Variants in NUBPL observed in about 807,000 individuals in gnomAD.
NUBPL encodes iron-sulfur cluster transfer protein NUBPL.
A neutral mutation model predicts 45.7 loss-of-function variants in NUBPL; 31 were observed. The ratio of observed to expected loss-of-function variants is 0.68; its 90% confidence interval spans 0.51 to 0.92. The LOEUF (loss-of-function observed/expected upper bound fraction) is 0.92. NUBPL is among the 40% of genes least tolerant of loss of function. NUBPL has a pLI of 0.00. For synonymous variants in NUBPL, 144 were observed against 140.9 expected, an observed-to-expected ratio of 1.02 and a Z score of -0.15; for missense variants, 401 against 398.7, an observed-to-expected ratio of 1.01 and a Z score of -0.05.
chr14:31,562,611 T>G (rs1449396334), intron 2 of NUBPL, among the ~76,000 whole-genome samples: 9 of 147,880 alleles, frequency 6.1e-5, no homozygotes, highest in African/African-American at 1.2e-4. Flanking sequence ...TTTGTTTTTT[T>G]TTTTTTTTTT....
At chr14:31,684,561 T>A (rs548045684) in intron 6 of NUBPL, among the ~76,000 whole-genome samples, 3 of 152,174 alleles carry the variant, frequency 2.0e-5, no homozygotes, top group Admixed American at 2.0e-4. Flanking sequence ...GTGGTTCATG[T>A]TGTTAAGGAG....
chr14:31,589,722 CA>C lies in NUBPL; in HGVS notation c.292-9564del. 5.3e-5 allele frequency among the ~76,000 whole-genome samples: 8 copies of C among 152,236 alleles called. 2 individuals carry two copies. Among genetic ancestry groups the C allele is most frequent in the Admixed American group, 5.2e-4 (8 of 15,294 alleles). On this transcript the variant is annotated intron_variant, in intron 3 of 10. Coordinates refer to ENST00000281081, the MANE Select transcript of NUBPL (RefSeq NM_025152.3). ...TGATCTTCAGATAGGTAAAAATCACCAAACTGCTCCCCCGTCCAACCCCTGC... is the reference window on the plus strand; with the variant it reads ...TGATCTTCAGATAGGTAAAAATCACCAACTGCTCCCCCGTCCAACCCCTGC...
intron 6 of NUBPL, among the ~76,000 whole-genome samples, chr14:31,675,415 T>A (rs930434151): frequency 6.6e-6 from 1 of 152,232 alleles, no homozygotes; most frequent in African/African-American, 2.4e-5. Context: ...TTGTTTTGAT[T>A]TAGAAACCAA....
chr14:31,664,482 A>G (rs757603223), intron 4 of NUBPL, among the ~76,000 whole-genome samples: 1 of 152,178 alleles, frequency 6.6e-6, no homozygotes, highest in Non-Finnish European at 1.5e-5. Flanking sequence ...TTCTGCATCT[A>G]TTGAGATAAT....
At chr14:31,765,815 T>C (rs2038902402) in intron 6 of NUBPL, among the ~76,000 whole-genome samples, 1 of 152,240 alleles carries the variant, frequency 6.6e-6, no homozygotes, top group South Asian at 2.1e-4. Flanking sequence ...TTTGGGCTAA[T>C]TAATTTTGAC....
intron 7 of NUBPL, 34 bp downstream of exon 7, chr14:31,787,907 T>C: frequency 6.9e-7 from 1 of 1,453,838 alleles, no homozygotes; most frequent in Non-Finnish European, 9.7e-7. Flanking sequence ...ATTTGTACTT[T>C]TTTTGATGTG....
At chr14:31,741,563 CA>C (rs1237931596) in intron 6 of NUBPL, among the ~76,000 whole-genome samples, 6 of 152,070 alleles carry the variant, frequency 3.9e-5, no homozygotes, top group Non-Finnish European at 8.8e-5. Context: ...CCAGAAGCAC[CA>C]GCTTTTTCTC....
At chr14:31,836,711 T>C (rs765802963) in intron 8 of NUBPL, among the ~76,000 whole-genome samples, 8 of 152,212 alleles carry the variant, frequency 5.3e-5, no homozygotes, top group Non-Finnish European at 7.3e-5. Context: ...AGGCTTTCTT[T>C]TAAATTGTCC....
intron 7 of NUBPL, among the ~76,000 whole-genome samples, chr14:31,817,273 T>C (rs2039937018): frequency 6.6e-6 from 1 of 152,034 alleles, no homozygotes; most frequent in African/African-American, 2.4e-5. Flanking sequence ...AGGAGAATTT[T>C]CCTTCCCCAA....
chr14:31,801,854 C>G (rs1001982884), intron 7 of NUBPL, among the ~76,000 whole-genome samples: 8 of 152,164 alleles, frequency 5.3e-5, no homozygotes, highest in Non-Finnish European at 1.2e-4. Context: ...GCTAGACAGT[C>G]CTAGTGTAAA....
At chr14:31,650,925 CT>C (rs1439274487) in intron 4 of NUBPL, among the ~76,000 whole-genome samples, 1 of 152,018 alleles carries the variant, frequency 6.6e-6, no homozygotes, top group Non-Finnish European at 1.5e-5. Context: ...GTGCCAGGCT[CT>C]TTTTTAACAA....
chr14:31,587,626 T>A (rs188126373), intron 3 of NUBPL, among the ~76,000 whole-genome samples: 1 of 152,352 alleles, frequency 6.6e-6, no homozygotes, highest in East Asian at 1.9e-4. Flanking sequence ...CTATAACATA[T>A]GAGTCTTAAT....
chr14:31,637,782 G>T (rs2035550580), intron 4 of NUBPL, among the ~76,000 whole-genome samples: 1 of 152,168 alleles, frequency 6.6e-6, no homozygotes, highest in Admixed American at 6.5e-5. Flanking sequence ...CCTGTATTGG[G>T]TGCATATATA....
chr14:31,694,358 T>C (rs1251704698), intron 6 of NUBPL, among the ~76,000 whole-genome samples: 1 of 152,202 alleles, frequency 6.6e-6, no homozygotes, highest in East Asian at 1.9e-4. Flanking sequence ...GGCAGTATTA[T>C]TTGGTGAGTA....
chr14:31,806,203 C>T (rs931461536), intron 7 of NUBPL, among the ~76,000 whole-genome samples: 8 of 152,268 alleles, frequency 5.3e-5, no homozygotes, highest in African/African-American at 1.9e-4. Context: ...TCAAAGCTTT[C>T]CATATAAAGT....
At chr14:31,810,445 T>C (rs990149182) in intron 7 of NUBPL, among the ~76,000 whole-genome samples, 6 of 151,600 alleles carry the variant, frequency 4.0e-5, no homozygotes, top group Non-Finnish European at 1.5e-5. Flanking sequence ...GCAACCCCTG[T>C]TGTTTTTTGT....
At chr14:31,622,846 T>A (rs7158468) in intron 4 of NUBPL, among the ~76,000 whole-genome samples, 151,713 of 152,378 alleles carry the variant, frequency 1, 75,529 homozygotes, top group Middle Eastern at 1. Flanking sequence ...CAGAGGGGGA[T>A]ATGTTAGATT....
chr14:31,787,036 TA>T (rs1382945281), intron 6 of NUBPL, among the ~76,000 whole-genome samples: 2 of 152,168 alleles, frequency 1.3e-5, no homozygotes, highest in Non-Finnish European at 2.9e-5. Flanking sequence ...GAGAGATTTT[TA>T]GAAGGCAGAA....
chr14:31,839,774 G>A (rs1262136816), intron 8 of NUBPL, among the ~76,000 whole-genome samples: 1 of 152,114 alleles, frequency 6.6e-6, no homozygotes, highest in Admixed American at 6.6e-5. Flanking sequence ...TTTTTTAAAT[G>A]GGTGAAGGAT....
Sources: gnomAD v4.1 joint callset for allele counts (sites outside exome capture counted in the v4.1 genomes callset) on GRCh38, gnomAD v4.1.1 for gene constraint, MANE v1.5 for transcripts, NCBI Gene and HGNC (gene_info 2026-07-23, HGNC 2026-07-21) for gene names.